HACL1: variants seen among roughly 807,000 people sequenced by gnomAD.
HACL1 encodes the protein 1600020H07Rik.
A neutral mutation model predicts 74.2 loss-of-function variants in HACL1; 64 were observed. That is an observed-to-expected ratio of 0.86 (90% CI 0.70 to 1.06). HACL1 has a LOEUF of 1.06. HACL1 is among the 50% of genes least tolerant of loss of function. HACL1 has a pLI of 0.00. For synonymous variants in HACL1, 230 were observed against 238.8 expected (o/e 0.96, Z 0.34); for missense variants, 728 against 719.7 (o/e 1.01, Z -0.13).
chr3:15,581,116 G>A (rs1207946539), intron 8 of HACL1, among the ~76,000 whole-genome samples: 2 of 152,190 alleles, frequency 1.3e-5, no homozygotes, highest in Admixed American at 6.5e-5. Context: ...TGGCCAGGAT[G>A]GTCTCGAACT....
rs748510898 is a variant in HACL1, at chr3:15,601,512, A to C, written c.-49T>G. The C allele has an allele frequency of 6.2e-7, 1 of 1,609,452 alleles. No homozygotes were observed. The highest frequency in any genetic ancestry group is 1.7e-5 in the Admixed American group (1 of 60,020). On this transcript the variant is annotated 5_prime_UTR_variant, in exon 1 of 17. Transcript: ENST00000321169. ...CTCACGCAGCCGGCAAACAAGCGGAATCATCCAGCAAGGCAAACGCGAAAT... is the reference window on the plus strand; with the variant it reads ...CTCACGCAGCCGGCAAACAAGCGGACTCATCCAGCAAGGCAAACGCGAAAT...
intron 9 of HACL1, among the ~76,000 whole-genome samples, chr3:15,576,142 G>A (rs1431961846): frequency 1.1e-5 from 1 of 87,324 alleles, no homozygotes; most frequent in Non-Finnish European, 2.0e-5. Flanking sequence ...GTAACAAAGC[G>A]AGACTCTGTC....
intron 8 of HACL1, among the ~76,000 whole-genome samples, chr3:15,580,519 G>C (rs967262371): frequency 2.0e-5 from 3 of 152,192 alleles, no homozygotes; most frequent in Admixed American, 1.3e-4. Flanking sequence ...CAAAGTAAGA[G>C]TTCTAATTTT....
At chr3:15,561,039 C>T in intron 16 of HACL1, 142 bp from the exon 17 acceptor site, 1 of 668,842 alleles carries the variant, frequency 1.5e-6, no homozygotes. Context: ...GTGCTTTTCC[C>T]AAAAAGGACC....
At chr3:15,578,914 G>C (rs1173952097) in intron 9 of HACL1, among the ~76,000 whole-genome samples, 1 of 152,208 alleles carries the variant, frequency 6.6e-6, no homozygotes, top group Non-Finnish European at 1.5e-5. Context: ...GGGGTGTGGA[G>C]CCTACAGAGG....
chr3:15,573,389 A>G (rs1340502868), intron 10 of HACL1, 147 bp from the exon 11 acceptor site: 1 of 595,200 alleles, frequency 1.7e-6, no homozygotes, highest in East Asian at 2.8e-5. Context: ...AAAAAAAGTA[A>G]AAGTCCATAG....
At chr3:15,580,435 C>T (rs542281471) in intron 8 of HACL1, among the ~76,000 whole-genome samples, 30 of 152,280 alleles carry the variant, frequency 2.0e-4, no homozygotes, top group African/African-American at 7.0e-4. Context: ...TACTCTCCTT[C>T]TGCCTATACC....
Position 15,601,113 on chromosome 3 carries a change from T to G in HACL1, c.163A>C (p.Ile55Leu). ...IAAQQLGIKYIGMRNEQAACY... is the reference protein window; with the variant it reads ...IAAQQLGIKYLGMRNEQAACY... Reference sequence around the variant, plus strand: ...ACCGCTTGCTCATTCCTCATCCCGATGTACTTGATGCCTAGCTGCTGGGCA... The same window carrying G: ...ACCGCTTGCTCATTCCTCATCCCGAGGTACTTGATGCCTAGCTGCTGGGCA... The change falls in exon 2 of 17, where the codon ATC (isoleucine) becomes CTC (leucine). Residue 55 changes from isoleucine (I) to leucine (L), a missense_variant. Physicochemically the swap from Ile to Leu is conservative, Grantham distance 5 (BLOSUM62 2). Coordinates refer to ENST00000321169, the MANE Select transcript of HACL1 (RefSeq NM_012260.4). 1 of 1,613,036 alleles carries G rather than the reference T, an allele frequency of 6.2e-7. No homozygotes were observed. Among genetic ancestry groups the G allele is most frequent in the Non-Finnish European group, 8.5e-7 (1 of 1,178,938 alleles).
intron 9 of HACL1, among the ~76,000 whole-genome samples, chr3:15,575,905 C>T (rs1019086520): frequency 4.0e-5 from 6 of 151,754 alleles, no homozygotes; most frequent in African/African-American, 1.5e-4. Context: ...TGCCTGTAAT[C>T]CCAACACTTT....
At chr3:15,588,140 C>T (rs546840163) in intron 5 of HACL1, among the ~76,000 whole-genome samples, 3 of 152,272 alleles carry the variant, frequency 2.0e-5, no homozygotes, top group South Asian at 2.1e-4. Context: ...GTGATCTACA[C>T]GCTTGGGGCT....
rs189070679 is a variant in HACL1, at chr3:15,562,125, G to A, written c.1705-1228C>T. Among the ~76,000 whole-genome samples, 248 of 152,256 alleles carry A rather than the reference G, an allele frequency of 1.6e-3. 1 individual carries two copies. Among genetic ancestry groups the A allele is most frequent in the African/African-American group, 5.6e-3 (231 of 41,548 alleles). On this transcript the variant is annotated intron_variant, in intron 16 of 16. Transcript: ENST00000321169. ...GTTATAAATCCATAAAGTGGCATGA[G>A]ATGAAAAAGCCTGTCTATTGAGTGT...
chr3:15,600,193 A>G (rs1258439074), intron 2 of HACL1, among the ~76,000 whole-genome samples: 4 of 152,190 alleles, frequency 2.6e-5, no homozygotes, highest in Admixed American at 1.3e-4. Flanking sequence ...CTGTGGTGAT[A>G]TAACAAATGA....
At chr3:15,579,442 A>G (rs2063685163) in intron 9 of HACL1, among the ~76,000 whole-genome samples, 1 of 152,242 alleles carries the variant, frequency 6.6e-6, no homozygotes, top group Non-Finnish European at 1.5e-5. Context: ...GATTAAAAAG[A>G]AATGAACAGA....
intron 10 of HACL1, among the ~76,000 whole-genome samples, chr3:15,573,632 G>C (rs2063574236): frequency 6.6e-6 from 1 of 152,138 alleles, no homozygotes; most frequent in Admixed American, 6.5e-5. Flanking sequence ...GTATATTCTG[G>C]GCTTGATAAA....
At chr3:15,593,169 ATG>A (rs1229837466) in intron 3 of HACL1, among the ~76,000 whole-genome samples, 1 of 150,020 alleles carries the variant, frequency 6.7e-6, no homozygotes, top group East Asian at 2.0e-4. Flanking sequence ...ATACGTATAT[ATG>A]TGTGTATATA....
At chr3:15,586,982 T>C (rs1263039002) in intron 5 of HACL1, among the ~76,000 whole-genome samples, 1 of 152,208 alleles carries the variant, frequency 6.6e-6, no homozygotes, top group Non-Finnish European at 1.5e-5. Flanking sequence ...GATAAGAATA[T>C]AAAACTTCAT....
chr3:15,580,095 G>A (rs749341451), intron 8 of HACL1, 50 bp from the exon 9 acceptor site: 3 of 1,481,180 alleles, frequency 2.0e-6, no homozygotes, highest in Non-Finnish European at 2.8e-6. Flanking sequence ...TATAGGCACT[G>A]TGACCCTTAA....
At chr3:15,573,880 C>T (rs2125243122) in intron 10 of HACL1, among the ~76,000 whole-genome samples, 1 of 152,328 alleles carries the variant, frequency 6.6e-6, no homozygotes, top group East Asian at 1.9e-4. Context: ...ACTTTAGCCA[C>T]CCCAAAGGGG....
At chr3:15,577,345 G>C (rs2063644912) in intron 9 of HACL1, among the ~76,000 whole-genome samples, 1 of 151,598 alleles carries the variant, frequency 6.6e-6, no homozygotes, top group Admixed American at 6.6e-5. Flanking sequence ...AAAACCCTCA[G>C]AATTAATTTT....
Sources: allele counts gnomAD v4.1 joint callset (sites outside exome capture counted in the v4.1 genomes callset), GRCh38; gene constraint gnomAD v4.1.1; transcripts MANE v1.5; gene names NCBI Gene and HGNC (gene_info 2026-07-23, HGNC 2026-07-21).